Variants in TIMD4 observed in about 807,000 individuals in gnomAD.
The protein encoded by TIMD4 is T cell immunoglobulin and mucin domain containing 4.
Under a neutral mutation model 41.2 loss-of-function variants are expected in TIMD4, and 31 were observed. That is an observed-to-expected ratio of 0.75 (90% CI 0.57 to 1.01). The LOEUF is 1.01. Ranked by LOEUF, TIMD4 falls within the 50% of genes least tolerant of loss-of-function variation. The pLI is 0.00. For synonymous variants in TIMD4, 204 were observed against 177.1 expected (o/e 1.15, Z -1.21); for missense variants, 479 against 472.5 (o/e 1.01, Z -0.13).
intron 6 of TIMD4, 61 bp from the exon 7 acceptor site, chr5:156,922,277 G>A (rs547895121): frequency 1.6e-6 from 2 of 1,283,844 alleles, no homozygotes; most frequent in African/African-American, 2.9e-5. Flanking sequence ...CTCACAAGAT[G>A]ACATCCCAGC....
At chr5:156,946,667 A>G (rs78547586) in intron 5 of TIMD4, among the ~76,000 whole-genome samples, 1 of 146,826 alleles carries the variant, frequency 6.8e-6, no homozygotes, top group East Asian at 2.0e-4. Context: ...TTTTTTTTTT[A>G]GTAGAGACGG....
chr5:156,934,030 C>T (rs932394650), intron 5 of TIMD4, among the ~76,000 whole-genome samples: 2 of 152,186 alleles, frequency 1.3e-5, no homozygotes, highest in Admixed American at 6.5e-5. Flanking sequence ...CCAGAACCTG[C>T]TTTGTCACTT....
intron 3 of TIMD4, 85 bp downstream of exon 3, chr5:156,951,427 C>T: frequency 6.5e-7 from 1 of 1,530,864 alleles, no homozygotes; most frequent in Non-Finnish European, 8.9e-7. Flanking sequence ...CACACTCACA[C>T]ACACACTGAG....
chr5:156,947,132 A>G (rs956726351), intron 5 of TIMD4, among the ~76,000 whole-genome samples: 3 of 152,088 alleles, frequency 2.0e-5, no homozygotes, highest in Non-Finnish European at 2.9e-5. Context: ...CAGGAGGCAG[A>G]GGTTGCAGTG....
chr5:156,961,890 A>C (rs1268694044), intron 1 of TIMD4, among the ~76,000 whole-genome samples: 2 of 151,494 alleles, frequency 1.3e-5, no homozygotes, highest in East Asian at 3.9e-4. Flanking sequence ...ATATTCAGCC[A>C]TAAAAAAAGA....
At chr5:156,957,784 T>C (rs1239585510) in intron 1 of TIMD4, among the ~76,000 whole-genome samples, 1 of 151,756 alleles carries the variant, frequency 6.6e-6, no homozygotes, top group East Asian at 2.0e-4. Context: ...GCTATGATCA[T>C]ATCACTGGAC....
chr5:156,922,310 A>T, intron 6 of TIMD4, 94 bp from the exon 7 acceptor site: 1 of 976,712 alleles, frequency 1.0e-6, no homozygotes, highest in Non-Finnish European at 1.6e-6. Flanking sequence ...TACAACCACC[A>T]GCAGTTTCAC....
Position 156,951,515 on chromosome 5 carries a change from C to T in TIMD4, c.676G>A (p.Ala226Thr), listed in dbSNP as rs540746755. Residue 226 changes from alanine (A) to threonine (T), a missense_variant, in exon 3 of 9, where the codon GCA becomes ACA. Coordinates refer to ENST00000274532, the MANE Select transcript of TIMD4 (RefSeq NM_138379.3). ...AACCCAAGATACATCTGCGTACCTGCAGTGAGGATGGGCCCTTCCTTAGAA... is the reference window on the plus strand; with the variant it reads ...AACCCAAGATACATCTGCGTACCTGTAGTGAGGATGGGCCCTTCCTTAGAA... ...EPSKEGPILT[A>T]ESETVLPSDS... The T allele has an allele frequency of 2.5e-6, 4 of 1,614,136 alleles. No individual in the cohort carries two copies. In the African/African-American group the frequency reaches 4.0e-5, roughly 16 times the overall value.
rs1352129998 is a variant in TIMD4 at position 156,963,075 on chromosome 5, T to A, written c.58+66A>T. On this transcript the variant is annotated intron_variant, in intron 1 of 8. Coordinates refer to ENST00000274532, the MANE Select transcript of TIMD4 (RefSeq NM_138379.3). The stretch of plus-strand genomic sequence containing the variant: ...CTTCACTGAGGCCCAAACCAGTGCA[T>A]GGAAATCCATCACACAATAGCAAGT... 4 of 1,531,156 alleles carry A rather than the reference T, an allele frequency of 2.6e-6. No homozygotes were observed. In the African/African-American group the frequency reaches 5.5e-5, roughly 21 times the overall value. The allele number at this position is 1,531,156 out of a possible 1,614,324, so 94.8% of individuals were successfully genotyped here. A position where few individuals can be genotyped will look rare whatever the true frequency, so the allele number is the denominator to read the frequency against.
intron 5 of TIMD4, among the ~76,000 whole-genome samples, chr5:156,940,118 G>C (rs1215282709): frequency 6.6e-6 from 1 of 152,256 alleles, no homozygotes; most frequent in Non-Finnish European, 1.5e-5. Context: ...CGCCAGGCCT[G>C]ACTGGTTTTT....
intron 5 of TIMD4, among the ~76,000 whole-genome samples, chr5:156,928,328 G>T (rs1238892856): frequency 6.6e-6 from 1 of 151,800 alleles, no homozygotes; most frequent in Non-Finnish European, 1.5e-5. Flanking sequence ...TCCATGGGCT[G>T]CATGTTCAGA....
At chr5:156,950,215 G>T (rs10475857) in intron 3 of TIMD4, among the ~76,000 whole-genome samples, 1 of 152,010 alleles carries the variant, frequency 6.6e-6, no homozygotes. Context: ...ATCCTCCTGC[G>T]TCAACCTCTG....
intron 5 of TIMD4, among the ~76,000 whole-genome samples, chr5:156,940,799 G>A (rs1038029619): frequency 1.6e-4 from 24 of 152,392 alleles, no homozygotes; most frequent in East Asian, 1.2e-3. Flanking sequence ...CCCGGCAGCC[G>A]CCCCGTCTGG....
intron 1 of TIMD4, among the ~76,000 whole-genome samples, chr5:156,958,396 T>G (rs529669960): frequency 7.0e-6 from 1 of 143,812 alleles, no homozygotes. Context: ...AAGGATCCAA[T>G]AGAGAAACTA....
Position 156,929,939 on chromosome 5 carries a change from G to A in TIMD4, c.845-3627C>T, listed in dbSNP as rs535480914. Reference sequence around the variant, plus strand: ...AAACTCCAAAGAGTATAAATCTAATGTCATATTGTTATTAAAATTCCATTG... The same window carrying A: ...AAACTCCAAAGAGTATAAATCTAATATCATATTGTTATTAAAATTCCATTG... On this transcript the variant is annotated intron_variant, in intron 5 of 8. Coordinates refer to ENST00000274532, the MANE Select transcript of TIMD4 (RefSeq NM_138379.3). 2.0e-5 allele frequency among the ~76,000 whole-genome samples: 3 copies of A among 152,246 alleles called. No homozygotes were observed. In the East Asian group the frequency reaches 5.8e-4, roughly 29 times the overall value.
intron 5 of TIMD4, among the ~76,000 whole-genome samples, chr5:156,936,927 G>A (rs1297744257): frequency 4.5e-4 from 58 of 127,514 alleles, no homozygotes; most frequent in Non-Finnish European, 6.1e-4. Context: ...GCGAGACTCC[G>A]TCTGGAAAAA....
At chr5:156,923,742 C>T (rs558439249) in intron 6 of TIMD4, among the ~76,000 whole-genome samples, 7 of 151,056 alleles carry the variant, frequency 4.6e-5, no homozygotes, top group Non-Finnish European at 1.0e-4. Flanking sequence ...GACAGAGTCT[C>T]ACTATTTTGC....
At chr5:156,940,857 G>A (rs527267979) in intron 5 of TIMD4, among the ~76,000 whole-genome samples, 10 of 152,390 alleles carry the variant, frequency 6.6e-5, no homozygotes, top group Admixed American at 2.6e-4. Flanking sequence ...TGACGATGGC[G>A]GTTTTGTTGA....
Position 156,961,131 on chromosome 5 carries a change from G to A in TIMD4, c.58+2010C>T, listed in dbSNP as rs147657263. 1.1e-4 allele frequency among the ~76,000 whole-genome samples: 16 copies of A among 152,320 alleles called. No individual in the cohort carries two copies. The East Asian group carries it at 3.1e-3, about 29-fold the overall frequency. ...AGAGCCAAGAGGTAGAAGAAAAAAT[G>A]TTTAACATTGCTAATCACTGGGGAA... On this transcript the variant is annotated intron_variant, in intron 1 of 8. Transcript: ENST00000274532.
Sources: gnomAD v4.1 joint callset for allele counts (sites outside exome capture counted in the v4.1 genomes callset) on GRCh38, gnomAD v4.1.1 for gene constraint, MANE v1.5 for transcripts, NCBI Gene and HGNC (gene_info 2026-07-23, HGNC 2026-07-21) for gene names.